Variants in DLG2 observed in about 807,000 individuals in gnomAD.
DLG2 encodes discs large MAGUK scaffold protein 2.
DLG2 carries 45 observed loss-of-function variants against 132.5 expected under a neutral mutation model. The ratio of observed to expected loss-of-function variants is 0.34; its 90% CI spans 0.27 to 0.44. DLG2 has a LOEUF of 0.44. DLG2 is among the 20% of genes least tolerant of loss of function. The probability of loss-of-function intolerance (pLI) is 1.00; values close to 1 mark genes in which losing one functional copy is unlikely to be tolerated. For missense variants in DLG2, 1,045 were observed against 1,196.9 expected, an observed-to-expected ratio of 0.87 and a Z score of 1.87; for synonymous variants, 424 against 419.6, an observed-to-expected ratio of 1.01 and a Z score of -0.13.
At chr11:85,189,529 T>G (rs543218819) in intron 4 of DLG2, among the ~76,000 whole-genome samples, 4 of 152,196 alleles carry the variant, frequency 2.6e-5, no homozygotes, top group Non-Finnish European at 5.9e-5. Context: ...ATTTACATAT[T>G]TTTCAAAAAC....
chr11:85,247,818 A>T (rs890699025), intron 4 of DLG2, among the ~76,000 whole-genome samples: 1 of 152,086 alleles, frequency 6.6e-6, no homozygotes, highest in Non-Finnish European at 1.5e-5. Flanking sequence ...CCTAAATCAC[A>T]GGAGTATATA....
At chr11:85,110,664 A>C (rs1374930837) in intron 6 of DLG2, among the ~76,000 whole-genome samples, 1 of 152,058 alleles carries the variant, frequency 6.6e-6, no homozygotes, top group East Asian at 1.9e-4. Flanking sequence ...ACTGAGGAAA[A>C]AAGCTTAATC....
chr11:83,878,107 C>T (rs1416588278), intron 15 of DLG2, among the ~76,000 whole-genome samples: 5 of 152,190 alleles, frequency 3.3e-5, no homozygotes, highest in Admixed American at 3.3e-4. Flanking sequence ...ACATGCTGCT[C>T]TGTTCTGCCA....
intron 14 of DLG2, among the ~76,000 whole-genome samples, chr11:83,961,744 TA>T (rs2088854836): frequency 6.6e-6 from 1 of 152,020 alleles, no homozygotes; most frequent in African/African-American, 2.4e-5. Context: ...CTCTGGTGGA[TA>T]AAGGTGCCTG....
intron 6 of DLG2, among the ~76,000 whole-genome samples, chr11:85,104,347 G>T (rs1258191608): frequency 6.6e-6 from 1 of 151,844 alleles, no homozygotes; most frequent in Non-Finnish European, 1.5e-5. Context: ...ACAAAATATG[G>T]TATACTCATA....
At chr11:83,578,174 A>C (rs1408248685) in intron 19 of DLG2, among the ~76,000 whole-genome samples, 1 of 150,808 alleles carries the variant, frequency 6.6e-6, no homozygotes, top group African/African-American at 2.4e-5. Flanking sequence ...GCGGTACATG[A>C]AGTATTATAA....
intron 8 of DLG2, among the ~76,000 whole-genome samples, chr11:84,229,794 G>T (rs758340366): frequency 3.9e-5 from 6 of 152,186 alleles, no homozygotes; most frequent in Non-Finnish European, 8.8e-5. Flanking sequence ...ATCATCAAAT[G>T]AGGATAAGAT....
rs1049101613 is a variant in DLG2, at chr11:85,109,577, T to G, written c.357+2084A>C. ...AAGACAGAATCCTAATTATGCAATT[T>G]CCTTGCAACAAGACTGCACAAAGTA... On this transcript the variant is annotated intron_variant, in intron 6 of 27. Coordinates refer to ENST00000376104, the MANE Select transcript of DLG2 (RefSeq NM_001142699.3). Among the ~76,000 whole-genome samples the G allele has an allele frequency of 2.7e-4, 41 of 152,162 alleles. 1 individual carries two copies. Among genetic ancestry groups the G allele is most frequent in the Non-Finnish European group, 5.9e-5 (4 of 68,012 alleles).
At chr11:84,776,041 T>C (rs930511938) in intron 6 of DLG2, among the ~76,000 whole-genome samples, 3 of 152,224 alleles carry the variant, frequency 2.0e-5, no homozygotes, top group Admixed American at 6.5e-5. Context: ...ATATTTCTTA[T>C]GTTTTTCAAA....
At chr11:85,378,545 T>G in intron 3 of DLG2, among the ~76,000 whole-genome samples, 1 of 152,124 alleles carries the variant, frequency 6.6e-6, no homozygotes, top group Non-Finnish European at 1.5e-5. Flanking sequence ...ATAATCATCC[T>G]TAGCTGTTAA....
chr11:85,564,545 T>G (rs2077425330), intron 3 of DLG2, among the ~76,000 whole-genome samples: 1 of 152,000 alleles, frequency 6.6e-6, no homozygotes, highest in African/African-American at 2.4e-5. Flanking sequence ...ATTTTGCCAC[T>G]TTTGTCAAAA....
At chr11:85,595,204 A>G (rs2079657724) in intron 3 of DLG2, among the ~76,000 whole-genome samples, 2 of 152,282 alleles carry the variant, frequency 1.3e-5, no homozygotes, top group African/African-American at 4.8e-5. Flanking sequence ...TACATATTCT[A>G]AATTAATTTG....
chr11:85,549,733 C>T (rs1341298233), intron 3 of DLG2, among the ~76,000 whole-genome samples: 2 of 152,144 alleles, frequency 1.3e-5, no homozygotes, highest in African/African-American at 4.8e-5. Context: ...CAAAACCCAC[C>T]AAAATCAAGA....
rs115544323 is a variant in DLG2, at chr11:85,349,064, T to C, written c.41-63699A>G. On this transcript the variant is annotated intron_variant, in intron 3 of 27. Coordinates refer to ENST00000376104, the MANE Select transcript of DLG2 (RefSeq NM_001142699.3). ...CCAGAAACACCAGTTCAGGCCATGA[T>C]TGGAATGGGTGGTTGGACATGCCTC... Among the ~76,000 whole-genome samples, 353 of 152,218 alleles carry C rather than the reference T, an allele frequency of 2.3e-3. 4 individuals carry two copies. The highest frequency in any genetic ancestry group is 8.2e-3 in the African/African-American group (340 of 41,506).
chr11:85,143,429 T>C (rs1041259051), intron 5 of DLG2, among the ~76,000 whole-genome samples: 2 of 151,962 alleles, frequency 1.3e-5, no homozygotes, highest in East Asian at 3.9e-4. Context: ...GTGTCTTCTC[T>C]CTTTTGTTCT....
intron 3 of DLG2, among the ~76,000 whole-genome samples, chr11:85,457,086 T>C (rs968716873): frequency 6.6e-6 from 1 of 152,216 alleles, no homozygotes; most frequent in Non-Finnish European, 1.5e-5. Flanking sequence ...AATTGCTTTA[T>C]GAATCCAGGC....
intron 3 of DLG2, among the ~76,000 whole-genome samples, chr11:85,568,149 G>A (rs1028393926): frequency 2.0e-5 from 3 of 151,540 alleles, no homozygotes; most frequent in Non-Finnish European, 2.9e-5. Flanking sequence ...CAAGTAGCTC[G>A]GATTACAGGC....
At chr11:85,386,624 T>C (rs1331194710) in intron 3 of DLG2, among the ~76,000 whole-genome samples, 1 of 152,168 alleles carries the variant, frequency 6.6e-6, no homozygotes, top group African/African-American at 2.4e-5. Context: ...GATTATGTTA[T>C]AGGGTCTCAA....
chr11:84,046,236 A>G (rs996028300), intron 11 of DLG2, among the ~76,000 whole-genome samples: 6 of 151,638 alleles, frequency 4.0e-5, no homozygotes, highest in Admixed American at 2.6e-4. Context: ...TTTGTTAAAT[A>G]TTAGTTTGGT....
Sources: allele counts gnomAD v4.1 joint callset (sites outside exome capture counted in the v4.1 genomes callset), GRCh38; gene constraint gnomAD v4.1.1; transcripts MANE v1.5; gene names NCBI Gene and HGNC (gene_info 2026-07-23, HGNC 2026-07-21).